XKR6: variants seen among roughly 807,000 people sequenced by gnomAD.
XKR6 encodes the protein XK related 6, also known as XK-related protein 6.
Under a neutral mutation model 56.7 loss-of-function variants are expected in XKR6, and 22 were observed. That is an observed-to-expected ratio of 0.39 (90% CI 0.28 to 0.55). The LOEUF (loss-of-function observed/expected upper bound fraction) is 0.55. Ranked by LOEUF, XKR6 falls within the 20% of genes least tolerant of loss-of-function variation. The pLI, the probability that XKR6 is intolerant of heterozygous loss-of-function variation, is 0.66. For missense variants in XKR6, 852 were observed against 889.0 expected (o/e 0.96, Z 0.53); for synonymous variants, 524 against 387.8 (o/e 1.35, Z -4.13).
At chr8:10,953,509 T>A (rs1035113937) in intron 1 of XKR6, among the ~76,000 whole-genome samples, 2 of 152,148 alleles carry the variant, frequency 1.3e-5, no homozygotes, top group Non-Finnish European at 2.9e-5. Flanking sequence ...CTTAATAAAT[T>A]ACCTAGTCTC....
intron 1 of XKR6, among the ~76,000 whole-genome samples, chr8:11,048,371 C>A (rs1462815674): frequency 1.3e-5 from 2 of 152,178 alleles, no homozygotes; most frequent in Non-Finnish European, 2.9e-5. Flanking sequence ...CTACTGCTTT[C>A]TGGAGGCCTT....
chr8:11,165,494 C>T (rs1184365003), intron 1 of XKR6, among the ~76,000 whole-genome samples: 5 of 152,086 alleles, frequency 3.3e-5, no homozygotes, highest in Admixed American at 2.6e-4. Context: ...CCTGGACACA[C>T]AAGGTGAGGG....
chr8:11,002,482 T>G (rs879847538), intron 1 of XKR6: 3 of 397,350 alleles, frequency 7.6e-6, no homozygotes, highest in Non-Finnish European at 1.6e-5. Context: ...AGAAAAAGAC[T>G]CAAGAATCAA....
chr8:11,123,866 A>G (rs1297101479), intron 1 of XKR6: 1 of 456,276 alleles, frequency 2.2e-6, no homozygotes, highest in Admixed American at 2.3e-5. Flanking sequence ...CCCACCTGGC[A>G]CCTGCACTGT....
intron 1 of XKR6, among the ~76,000 whole-genome samples, chr8:11,158,834 A>G (rs1022462464): frequency 1.3e-5 from 2 of 152,202 alleles, no homozygotes; most frequent in Non-Finnish European, 2.9e-5. Flanking sequence ...ATAGGCAGAG[A>G]TAAGCCTAGG....
chr8:10,931,822 T>C (rs1230726732), intron 1 of XKR6, among the ~76,000 whole-genome samples: 1 of 133,352 alleles, frequency 7.5e-6, no homozygotes, highest in Non-Finnish European at 1.6e-5. Flanking sequence ...AAAGGCATGA[T>C]CCATAAAAAA....
rs115427937 is a variant in XKR6, at chr8:11,073,987, G to C, written c.764+126589C>G. Among the ~76,000 whole-genome samples the C allele has an allele frequency of 9.9e-3, 1,501 of 152,262 alleles. 35 individuals carry two copies. Among genetic ancestry groups the C allele is most frequent in the African/African-American group, 0.035 (1,437 of 41,516 alleles). On this transcript the variant is annotated intron_variant, in intron 1 of 2. Coordinates refer to ENST00000416569, the MANE Select transcript of XKR6 (RefSeq NM_173683.4). ...GAACACCCAGCAGTCTGTTCGGCTG[G>C]TTTGAAGAAGAGAATTGAAAAAAGA...
At chr8:11,099,998 C>T (rs2409700) in intron 1 of XKR6, among the ~76,000 whole-genome samples, 18,290 of 152,136 alleles carry the variant, frequency 0.12, 1,994 homozygotes, top group African/African-American at 0.29. Flanking sequence ...GCGGGTTGGG[C>T]GCTGGGAGGG....
intron 1 of XKR6, among the ~76,000 whole-genome samples, chr8:11,153,819 C>A (rs944514199): frequency 6.6e-6 from 1 of 152,202 alleles, no homozygotes; most frequent in Non-Finnish European, 1.5e-5. Context: ...GCATCCAACC[C>A]ATCAACAGAT....
At chr8:11,088,264 A>G (rs1452493326) in intron 1 of XKR6, among the ~76,000 whole-genome samples, 1 of 152,008 alleles carries the variant, frequency 6.6e-6, no homozygotes. Context: ...TCCCAAAAAA[A>G]GGATTTCACA....
At chr8:10,910,189 C>T (rs1354969822) in intron 2 of XKR6, among the ~76,000 whole-genome samples, 3 of 152,064 alleles carry the variant, frequency 2.0e-5, no homozygotes, top group African/African-American at 7.2e-5. Context: ...CTGCAATGCT[C>T]TGGAAAGCCC....
intron 1 of XKR6, among the ~76,000 whole-genome samples, chr8:11,114,596 G>A (rs968909368): frequency 3.3e-5 from 5 of 152,188 alleles, no homozygotes; most frequent in Non-Finnish European, 7.4e-5. Flanking sequence ...CCTGACCTCA[G>A]ATGATCCACC....
chr8:10,897,872 A>T lies in XKR6; in HGVS notation c.*80T>A. 4.0e-6 allele frequency: 6 copies of T among 1,497,180 alleles called. No homozygotes were observed. Among genetic ancestry groups the T allele is most frequent in the Non-Finnish European group, 5.3e-6 (6 of 1,126,990 alleles). 92.7% of individuals were successfully genotyped at this position (1,497,180 alleles called of 1,614,324 possible). On this transcript the variant is annotated 3_prime_UTR_variant, in exon 3 of 3. Transcript: ENST00000416569. ...GGCGGTGGTTCTGTGTATTGGGGGA[A>T]GGGAGGGTTATATTTCTTGCAAGTG...
intron 1 of XKR6, chr8:11,123,974 G>A (rs762370001): frequency 1.3e-5 from 6 of 456,016 alleles, no homozygotes; most frequent in Non-Finnish European, 2.2e-5. Context: ...CTGCTCAGAG[G>A]CACTGCCGTG....
chr8:10,998,541 A>C (rs1220175549), intron 1 of XKR6, among the ~76,000 whole-genome samples: 1 of 152,228 alleles, frequency 6.6e-6, no homozygotes, highest in Non-Finnish European at 1.5e-5. Context: ...CAGATTTATT[A>C]GGAGTGGTAG....
intron 1 of XKR6, among the ~76,000 whole-genome samples, chr8:11,097,901 G>C (rs1005838811): frequency 2.7e-5 from 4 of 149,578 alleles, no homozygotes; most frequent in Admixed American, 2.0e-4. Flanking sequence ...ATTTGCTATA[G>C]TGTTAGTAAC....
At chr8:10,925,752 A>G (rs554866410) in intron 1 of XKR6, among the ~76,000 whole-genome samples, 2 of 152,284 alleles carry the variant, frequency 1.3e-5, no homozygotes, top group East Asian at 3.9e-4. Context: ...GCATGGGAAG[A>G]TTAGTGAGAT....
intron 1 of XKR6, among the ~76,000 whole-genome samples, chr8:11,114,761 G>T (rs866019112): frequency 7.1e-6 from 1 of 140,564 alleles, no homozygotes; most frequent in Admixed American, 6.9e-5. Context: ...GTGTGTGTGT[G>T]TGTGTGTGTG....
intron 1 of XKR6, among the ~76,000 whole-genome samples, chr8:11,114,773 G>GTGTGTGTGTGTGTGTGTGTA (rs34746866): frequency 2.7e-5 from 4 of 146,618 alleles, no homozygotes; most frequent in South Asian, 4.4e-4. Flanking sequence ...GTGTGTGTGT[G>GTGTGTGTGTGTGTGTGTGTA]TATGTGCCAG....
Sources: allele counts gnomAD v4.1 joint callset (sites outside exome capture counted in the v4.1 genomes callset), GRCh38; gene constraint gnomAD v4.1.1; transcripts MANE v1.5; gene names NCBI Gene and HGNC (gene_info 2026-07-23, HGNC 2026-07-21).